The following EEF1AKMT1 variants were observed in gnomAD, a reference collection of about 807,000 sequenced individuals.
EEF1AKMT1 encodes EEF1A lysine methyltransferase 1.
A neutral mutation model predicts 21.0 loss-of-function variants in EEF1AKMT1; 18 were observed. The ratio of observed to expected loss-of-function variants is 0.86; its 90% CI spans 0.59 to 1.27. EEF1AKMT1 has a LOEUF of 1.27. Ranked by LOEUF, EEF1AKMT1 falls within the 50% of genes most tolerant of loss-of-function variation. The pLI is 0.00. For synonymous variants in EEF1AKMT1, 109 were observed against 94.8 expected (o/e 1.15, Z -0.87); for missense variants, 246 against 258.6 (o/e 0.95, Z 0.33).
At chr13:20,750,488 C>T (rs79194299) in intron 2 of EEF1AKMT1, among the ~76,000 whole-genome samples, 8,572 of 152,212 alleles carry the variant, frequency 0.056, 355 homozygotes, top group Non-Finnish European at 0.084. Context: ...ATAATGACCT[C>T]CCGTTCCATC....
chr13:20,757,260 T>C (rs745357427), intron 2 of EEF1AKMT1, 195 bp downstream of exon 2: 1 of 464,324 alleles, frequency 2.2e-6, no homozygotes, highest in Non-Finnish European at 3.7e-6. Context: ...AGAACAGCTG[T>C]TCAAGAAAAG....
intron 1 of EEF1AKMT1, among the ~76,000 whole-genome samples, chr13:20,759,892 C>G (rs2058991268): frequency 6.6e-6 from 1 of 152,068 alleles, no homozygotes; most frequent in Admixed American, 6.5e-5. Context: ...ATCACGAGGT[C>G]AGGAGATTGA....
intron 4 of EEF1AKMT1, among the ~76,000 whole-genome samples, chr13:20,731,237 C>G (rs1048139342): frequency 1.3e-5 from 2 of 152,190 alleles, no homozygotes; most frequent in Non-Finnish European, 2.9e-5. Flanking sequence ...GTCTAGAACT[C>G]CTTGCCTCAA....
At chr13:20,747,629 C>T (rs1214525352) in intron 2 of EEF1AKMT1, 1 of 152,264 alleles carries the variant, frequency 6.6e-6, no homozygotes, top group Non-Finnish European at 1.5e-5. Flanking sequence ...CCATGCCTGG[C>T]TAATTTTTCT....
chr13:20,740,486 T>C (rs2058863250), intron 2 of EEF1AKMT1, among the ~76,000 whole-genome samples: 1 of 152,214 alleles, frequency 6.6e-6, no homozygotes, highest in Non-Finnish European at 1.5e-5. Context: ...CACCTCTCAG[T>C]TGGACCTATC....
chr13:20,741,660 T>TTGGCCAAGA (rs2141419259), intron 2 of EEF1AKMT1, among the ~76,000 whole-genome samples: 1 of 152,150 alleles, frequency 6.6e-6, no homozygotes, highest in East Asian at 1.9e-4. Flanking sequence ...TCTCATCATG[T>TTGGCCAAGA]TGGCCAAGAT....
intron 1 of EEF1AKMT1, among the ~76,000 whole-genome samples, chr13:20,764,539 G>A (rs1164142832): frequency 6.6e-6 from 1 of 152,138 alleles, no homozygotes; most frequent in African/African-American, 2.4e-5. Context: ...GTGTTATTAA[G>A]TCCCCTGTAT....
At chr13:20,738,333 C>T (rs1289291188) in intron 2 of EEF1AKMT1, among the ~76,000 whole-genome samples, 1 of 152,212 alleles carries the variant, frequency 6.6e-6, no homozygotes, top group East Asian at 1.9e-4. Flanking sequence ...GTTTGTTTTT[C>T]ATCTTGCTCC....
chr13:20,740,414 G>A (rs561821810), intron 2 of EEF1AKMT1, among the ~76,000 whole-genome samples: 1 of 152,378 alleles, frequency 6.6e-6, no homozygotes, highest in African/African-American at 2.4e-5. Flanking sequence ...CTCAACAGTG[G>A]CCAGAGTGGG....
At chr13:20,773,592 C>G (rs1220796832) in intron 1 of EEF1AKMT1, among the ~76,000 whole-genome samples, 7 of 152,370 alleles carry the variant, frequency 4.6e-5, no homozygotes, top group South Asian at 2.1e-4. Flanking sequence ...GAGGCCTCCA[C>G]GCGCTGCCGT....
intron 1 of EEF1AKMT1, among the ~76,000 whole-genome samples, chr13:20,758,334 A>C (rs1184822563): frequency 2.0e-5 from 3 of 152,182 alleles, no homozygotes; most frequent in Non-Finnish European, 4.4e-5. Context: ...GCCAATCAAA[A>C]CAATTTTTGA....
intron 2 of EEF1AKMT1, among the ~76,000 whole-genome samples, chr13:20,744,865 G>T (rs544718079): frequency 1.9e-4 from 29 of 152,228 alleles, no homozygotes; most frequent in Non-Finnish European, 3.1e-4. Context: ...TTTTTTATAA[G>T]GTGTAAGGAA....
chr13:20,762,347 C>T (rs78573043), intron 1 of EEF1AKMT1, among the ~76,000 whole-genome samples: 11,906 of 151,736 alleles, frequency 0.078, 949 homozygotes, highest in East Asian at 0.3. Context: ...CCACCACGCC[C>T]AGCTAAATTT....
chr13:20,748,079 G>A (rs1595021116), intron 2 of EEF1AKMT1: 2 of 172,182 alleles, frequency 1.2e-5, no homozygotes, highest in East Asian at 1.6e-4. Context: ...TTCCAGAATC[G>A]TCTTTGTGCC....
chr13:20,754,806 C>T (rs899643500), intron 2 of EEF1AKMT1, among the ~76,000 whole-genome samples: 1 of 150,942 alleles, frequency 6.6e-6, no homozygotes, highest in Non-Finnish European at 1.5e-5. Flanking sequence ...ACAAGAATCG[C>T]TTGAACCAGG....
At chr13:20,752,485 C>T (rs1201648447) in intron 2 of EEF1AKMT1, among the ~76,000 whole-genome samples, 1 of 152,008 alleles carries the variant, frequency 6.6e-6, no homozygotes, top group Non-Finnish European at 1.5e-5. Flanking sequence ...CTTGAATCTC[C>T]AGGATAAATC....
rs942098461 is a variant in EEF1AKMT1 at position 20,757,524 on chromosome 13, A to C, written c.75T>G (p.Ala25=). The part of the protein sequence containing the change: ...HALAALQEFY[A]EQKQQIEPGE... ...CTGGCTCAATTTGTTGCTTTTGCTC[A>C]GCATAAAATTCCTGGAGAGCTGCTA... The change falls in exon 2 of 5, where the codon GCT becomes GCG. Residue 25 remains alanine (A), a synonymous_variant. Transcript: ENST00000382758. The C allele has an allele frequency of 6.2e-6, 10 of 1,614,164 alleles. No individual in the cohort carries two copies. Among genetic ancestry groups the C allele is most frequent in the Middle Eastern group, 1.6e-4 (1 of 6,062 alleles).
chr13:20,729,053 C>T lies in EEF1AKMT1; in HGVS notation c.*27G>A. The T allele has an allele frequency of 6.2e-7, 1 of 1,613,348 alleles. No individual in the cohort carries two copies. Among genetic ancestry groups the T allele is most frequent in the African/African-American group, 1.3e-5 (1 of 75,000 alleles). On this transcript the variant is annotated 3_prime_UTR_variant, in exon 5 of 5. Transcript: ENST00000382758. ...CAAAAAGAGGAATGTGACAGGGTTC[C>T]TTCCTGTGTTATGTCACCGTCTGTA...
At chr13:20,761,396 TATCA>T (rs2059000988) in intron 1 of EEF1AKMT1, among the ~76,000 whole-genome samples, 1 of 152,250 alleles carries the variant, frequency 6.6e-6, no homozygotes, top group South Asian at 2.1e-4. Context: ...TTGTTCTGTG[TATCA>T]ATAGTTTATT....
Sources: allele counts gnomAD v4.1 joint callset (sites outside exome capture counted in the v4.1 genomes callset), GRCh38; gene constraint gnomAD v4.1.1; transcripts MANE v1.5; gene names NCBI Gene and HGNC (gene_info 2026-07-23, HGNC 2026-07-21).